SCML4: variants seen among roughly 807,000 people sequenced by gnomAD.
SCML4 encodes the protein Scm polycomb group protein like 4.
Under a neutral mutation model 41.1 loss-of-function variants are expected in SCML4, and 34 were observed. That is an observed-to-expected ratio of 0.83 (90% confidence interval 0.63 to 1.10). SCML4 has a LOEUF of 1.10. SCML4 is among the 50% of genes least tolerant of loss of function. The probability of loss-of-function intolerance (pLI) is 0.00; values close to 1 mark genes in which losing one functional copy is unlikely to be tolerated. For synonymous variants in SCML4, 214 were observed against 220.9 expected, an observed-to-expected ratio of 0.97 and a Z score of 0.28; for missense variants, 522 against 534.1, an observed-to-expected ratio of 0.98 and a Z score of 0.22.
chr6:107,792,661 G>A (rs1025544524), intron 1 of SCML4, among the ~76,000 whole-genome samples: 3 of 151,846 alleles, frequency 2.0e-5, no homozygotes, highest in Non-Finnish European at 4.4e-5. Context: ...CAATCTGGGA[G>A]GCAGAGGTTG....
intron 1 of SCML4, among the ~76,000 whole-genome samples, chr6:107,803,736 A>G (rs1344050349): frequency 2.0e-5 from 3 of 149,546 alleles, no homozygotes. Flanking sequence ...GATCCTGTTG[A>G]TCTGTGACCT....
chr6:107,758,463 A>G (rs1161554756), intron 2 of SCML4, among the ~76,000 whole-genome samples: 2 of 152,208 alleles, frequency 1.3e-5, no homozygotes, highest in Non-Finnish European at 2.9e-5. Context: ...GTGTCTCTCT[A>G]AAAAGACATA....
intron 1 of SCML4, among the ~76,000 whole-genome samples, chr6:107,788,391 G>C (rs1434344757): frequency 6.6e-6 from 1 of 152,174 alleles, no homozygotes; most frequent in African/African-American, 2.4e-5. Flanking sequence ...TAAACCCTGT[G>C]TGATACAAAT....
intron 1 of SCML4, among the ~76,000 whole-genome samples, chr6:107,809,650 T>A (rs1256817562): frequency 6.6e-6 from 1 of 152,100 alleles, no homozygotes; most frequent in African/African-American, 2.4e-5. Context: ...ATACCTTCAA[T>A]GAAGACAGAA....
At chr6:107,754,636 T>C (rs1371476765) in intron 2 of SCML4, among the ~76,000 whole-genome samples, 1 of 152,156 alleles carries the variant, frequency 6.6e-6, no homozygotes, top group Non-Finnish European at 1.5e-5. Context: ...TGGGGAAAAA[T>C]GGAATTGGCA....
chr6:107,742,381 A>G (rs1320264748), intron 5 of SCML4, among the ~76,000 whole-genome samples: 2 of 152,224 alleles, frequency 1.3e-5, no homozygotes, highest in Non-Finnish European at 2.9e-5. Context: ...ATTCAAATAA[A>G]TAATAACAGA....
At chr6:107,709,804 G>A (rs1455641965) in intron 6 of SCML4, among the ~76,000 whole-genome samples, 1 of 152,046 alleles carries the variant, frequency 6.6e-6, no homozygotes, top group Non-Finnish European at 1.5e-5. Flanking sequence ...TCCACCTTCC[G>A]GGTTCAAGTG....
chr6:107,813,600 T>C (rs1047281536), intron 1 of SCML4, among the ~76,000 whole-genome samples: 4 of 151,824 alleles, frequency 2.6e-5, no homozygotes, highest in African/African-American at 7.3e-5. Context: ...CTATATTTTA[T>C]AGCGAATCTT....
intron 1 of SCML4, among the ~76,000 whole-genome samples, chr6:107,796,923 T>C (rs919990100): frequency 2.6e-5 from 4 of 152,128 alleles, no homozygotes; most frequent in Non-Finnish European, 4.4e-5. Flanking sequence ...CATCATTTGT[T>C]TGAAAGACAT....
the SCML4 span, among the ~76,000 whole-genome samples, chr6:107,829,680 C>T: frequency 6.6e-6 from 1 of 152,110 alleles, no homozygotes; most frequent in Non-Finnish European, 1.5e-5. Context: ...GTGCAGCAAA[C>T]CACCATGGCA....
intron 2 of SCML4, chr6:107,755,545 G>T (rs1192456841): frequency 8.3e-7 from 1 of 1,205,590 alleles, no homozygotes; most frequent in Non-Finnish European, 1.1e-6. Flanking sequence ...CTAGTGTGAT[G>T]CAGGGCCCAG....
chr6:107,724,260 G>T (rs1775732495), intron 5 of SCML4, among the ~76,000 whole-genome samples: 1 of 152,136 alleles, frequency 6.6e-6, no homozygotes, highest in Non-Finnish European at 1.5e-5. Flanking sequence ...AAAAGAGACG[G>T]TCCATTCCAG....
chr6:107,808,194 T>G (rs1310481670), intron 1 of SCML4, among the ~76,000 whole-genome samples: 2 of 152,178 alleles, frequency 1.3e-5, no homozygotes, highest in Non-Finnish European at 2.9e-5. Context: ...CTTTGGAATG[T>G]TTCACAAGGA....
rs545043950 is a variant in SCML4 at position 107,731,709 on chromosome 6, G to A, written c.683-10716C>T. Among the ~76,000 whole-genome samples, 13 of 152,320 alleles carry A rather than the reference G, an allele frequency of 8.5e-5. No homozygotes were observed. In the South Asian group the frequency reaches 1.0e-3, roughly 12 times the overall value. On this transcript the variant is annotated intron_variant, in intron 5 of 7. Transcript: ENST00000369020. ...CCTCCGTGTGTGAACAGTTTGGTTCGGCTTGCTGACAGAGATGGCAACATC... is the reference window on the plus strand; with the variant it reads ...CCTCCGTGTGTGAACAGTTTGGTTCAGCTTGCTGACAGAGATGGCAACATC...
intron 1 of SCML4, among the ~76,000 whole-genome samples, chr6:107,794,442 T>C (rs1782562893): frequency 6.6e-6 from 1 of 152,206 alleles, no homozygotes; most frequent in Non-Finnish European, 1.5e-5. Flanking sequence ...GTCTTCAGAA[T>C]GTATTAGTCT....
chr6:107,819,634 G>A (rs12214724), intron 1 of SCML4, among the ~76,000 whole-genome samples: 5 of 148,530 alleles, frequency 3.4e-5, no homozygotes, highest in Admixed American at 3.4e-4. Flanking sequence ...GCAATGGTGG[G>A]TTGCATTTAT....
At chr6:107,713,700 C>G (rs1003595707) in intron 6 of SCML4, among the ~76,000 whole-genome samples, 1 of 152,208 alleles carries the variant, frequency 6.6e-6, no homozygotes, top group Non-Finnish European at 1.5e-5. Flanking sequence ...ACCCCTGTGT[C>G]CTCAGGCTGC....
At chr6:107,830,431 G>A in the SCML4 span, among the ~76,000 whole-genome samples, 2 of 152,150 alleles carry the variant, frequency 1.3e-5, no homozygotes, top group African/African-American at 2.4e-5. Context: ...GTCTGGTAAG[G>A]GGTTGGATGG....
chr6:107,826,254 GA>G (rs1785251437), upstream of SCML4, among the ~76,000 whole-genome samples: 1 of 133,940 alleles, frequency 7.5e-6, no homozygotes, highest in Non-Finnish European at 1.6e-5. Flanking sequence ...CAAAAAAAAA[GA>G]AAAAAGAAAG....
Sources: gnomAD v4.1 joint callset for allele counts (sites outside exome capture counted in the v4.1 genomes callset) on GRCh38, gnomAD v4.1.1 for gene constraint, MANE v1.5 for transcripts, NCBI Gene and HGNC (gene_info 2026-07-23, HGNC 2026-07-21) for gene names.